NAA25: variants seen among roughly 807,000 people sequenced by gnomAD.
The protein encoded by NAA25 is N-alpha-acetyltransferase 25, NatB auxiliary subunit.
NAA25 carries 30 observed loss-of-function variants against 132.5 expected under a neutral mutation model. The ratio of observed to expected loss-of-function variants is 0.23; its 90% CI spans 0.17 to 0.31. The LOEUF (loss-of-function observed/expected upper bound fraction) is 0.31, where lower values mean the gene tolerates loss of function less well. Ranked by LOEUF, NAA25 falls within the 10% of genes least tolerant of loss-of-function variation. NAA25 has a pLI of 1.00. For synonymous variants in NAA25, 359 were observed against 401.9 expected (o/e 0.89, Z 1.28); for missense variants, 771 against 1,150.4 (o/e 0.67, Z 4.77).
chr12:112,076,212 T>C (rs1473225893), intron 7 of NAA25, among the ~76,000 whole-genome samples: 1 of 152,162 alleles, frequency 6.6e-6, no homozygotes, highest in African/African-American at 2.4e-5. Context: ...TTCACTCTCT[T>C]AGAAAATGGG....
chr12:112,104,254 A>AT (rs1396222127), intron 1 of NAA25, among the ~76,000 whole-genome samples: 1 of 152,108 alleles, frequency 6.6e-6, no homozygotes, highest in Non-Finnish European at 1.5e-5. Flanking sequence ...CTATGCACAC[A>AT]TTTTTTCTAC....
chr12:112,108,712 T>C lies in NAA25; in HGVS notation c.58+4A>G, dbSNP rs1247137240. The stretch of plus-strand genomic sequence containing the variant: ...TGGCGAGCGGGCTGGTCCAAGACAC[T>C]CACCGTAAATGGGCCGGAGGCGCCT... On this transcript the variant is annotated splice_donor_region_variant and intron_variant, in intron 1 of 23. Transcript: ENST00000261745. 2.0e-6 allele frequency: 3 copies of C among 1,522,832 alleles called. No homozygotes were observed. Among genetic ancestry groups the C allele is most frequent in the African/African-American group, 1.4e-5 (1 of 70,966 alleles). The allele number at this position is 1,522,832 out of a possible 1,614,324, so 94.3% of individuals were successfully genotyped here.
intron 12 of NAA25, 83 bp from the exon 13 acceptor site, chr12:112,060,442 G>A (rs1411667491): frequency 1.2e-6 from 1 of 851,096 alleles, no homozygotes; most frequent in Non-Finnish European, 1.9e-6. Context: ...GCAGGAAAGT[G>A]ACAGGAGGGA....
Position 112,087,697 on chromosome 12 carries a change from T to G in NAA25, c.388A>C (p.Lys130Gln). Reference protein sequence around the residue: ...FMAYARVGEYKKMQQAGMALY... With the variant: ...FMAYARVGEYQKMQQAGMALY... ...GATCAAATTACCTGTTGCATTTTCTTGTATTCACCCACTCTGGCATAGGCC... is the reference window on the plus strand; with the variant it reads ...GATCAAATTACCTGTTGCATTTTCTGGTATTCACCCACTCTGGCATAGGCC... The change falls in exon 4 of 24, where the codon AAG becomes CAG. Residue 130 changes from lysine to glutamine, a missense_variant. This residue lies in a region of NAA25 where 417 missense variants were observed against 733.8 expected (regional missense o/e 0.57). Transcript: ENST00000261745. 6.2e-7 allele frequency: 1 copy of G among 1,613,020 alleles called. No individual in the cohort carries two copies. Among genetic ancestry groups the G allele is most frequent in the East Asian group, 2.2e-5 (1 of 44,860 alleles).
chr12:112,043,327 T>C lies in NAA25; in HGVS notation c.2251-116A>G, dbSNP rs1016258335. ...TCTCAGCGGTTCAGCTAAAAGCCAC[T>C]AATCAGCAAACTAATAACTGAATCA... On this transcript the variant is annotated intron_variant, in intron 18 of 23. Transcript: ENST00000261745. 2.4e-5 allele frequency: 26 copies of C among 1,076,282 alleles called. No individual in the cohort carries two copies. The African/African-American group carries it at 3.3e-4, about 14-fold the overall frequency. The allele number at this position is 1,076,282 out of a possible 1,614,324, so 66.7% of individuals were successfully genotyped here. A position where few individuals can be genotyped will look rare whatever the true frequency, so the allele number is the denominator to read the frequency against.
At chr12:112,058,230 T>G (rs1199925222) in intron 13 of NAA25, among the ~76,000 whole-genome samples, 1 of 151,102 alleles carries the variant, frequency 6.6e-6, no homozygotes, top group Non-Finnish European at 1.5e-5. Context: ...AAATCCCCAG[T>G]GGGGAAGGAG....
chr12:112,074,341 CAAAAAAA>C lies in NAA25; in HGVS notation c.866+327_866+333del, dbSNP rs34077129. ...GGGTGACAAGAGCCAAACTCCATCT[CAAAAAAA>C]AAAAAAAAAAAAAAAAGGAGAAAAA... On this transcript the variant is annotated intron_variant, in intron 9 of 23. Transcript: ENST00000261745. Among the ~76,000 whole-genome samples the C allele has an allele frequency of 1.1e-4, 4 of 34,914 alleles. No individual in the cohort carries two copies. In the East Asian group the frequency reaches 2.3e-3, roughly 20 times the overall value. The allele number at this position is 34,914 out of a possible 152,430, so 22.9% of individuals were successfully genotyped here.
At chr12:112,068,146 C>T (rs2078746660) in intron 11 of NAA25, among the ~76,000 whole-genome samples, 1 of 152,160 alleles carries the variant, frequency 6.6e-6, no homozygotes, top group South Asian at 2.1e-4. Context: ...TCAAGCGATC[C>T]TGCCGCCTCA....
chr12:112,032,725 G>A (rs1593738969), intron 23 of NAA25, among the ~76,000 whole-genome samples: 1 of 152,182 alleles, frequency 6.6e-6, no homozygotes, highest in Non-Finnish European at 1.5e-5. Flanking sequence ...AATTTGAAAA[G>A]ACCTAAAATA....
intron 19 of NAA25, 65 bp from the exon 20 acceptor site, chr12:112,042,169 A>G: frequency 1.3e-6 from 1 of 762,174 alleles, no homozygotes; most frequent in Non-Finnish European, 1.9e-6. Flanking sequence ...AAGAAGCAAG[A>G]TAAATACCTG....
At chr12:112,068,165 A>C (rs1849976047) in intron 11 of NAA25, among the ~76,000 whole-genome samples, 2 of 152,310 alleles carry the variant, frequency 1.3e-5, no homozygotes, top group South Asian at 4.1e-4. Flanking sequence ...CAGTCTCCCA[A>C]GTAGCTGGGG....
intron 13 of NAA25, among the ~76,000 whole-genome samples, chr12:112,059,997 G>A (rs1396505174): frequency 6.6e-5 from 10 of 151,886 alleles, no homozygotes; most frequent in African/African-American, 1.7e-4. Flanking sequence ...TAGTAGAGAC[G>A]AAGTTTTTTG....
chr12:112,061,464 G>A, intron 11 of NAA25, 76 bp from the exon 12 acceptor site: 2 of 1,043,590 alleles, frequency 1.9e-6, no homozygotes, highest in South Asian at 1.3e-5. Flanking sequence ...AACAGAAATT[G>A]AATGGTCTAG....
chr12:112,030,978 T>TTG (rs1289490466), intron 23 of NAA25, among the ~76,000 whole-genome samples: 1 of 151,752 alleles, frequency 6.6e-6, no homozygotes, highest in African/African-American at 2.4e-5. Flanking sequence ...CAGGACTCAC[T>TTG]AAGTGACCCA....
chr12:112,050,722 T>C (rs2078453143), intron 15 of NAA25, among the ~76,000 whole-genome samples: 2 of 152,244 alleles, frequency 1.3e-5, no homozygotes, highest in South Asian at 4.1e-4. Context: ...GGGAAATTTT[T>C]AAGAAGTAAA....
intron 2 of NAA25, among the ~76,000 whole-genome samples, chr12:112,092,682 CT>C (rs34190578): frequency 0.085 from 12,286 of 144,972 alleles, 1,537 homozygotes; most frequent in East Asian, 0.6. Context: ...TCTCCCCCCC[CT>C]TTTTTTTTTT....
At chr12:112,086,073 T>TATACACACACACACAC (rs759148501) in intron 4 of NAA25, among the ~76,000 whole-genome samples, 2 of 53,986 alleles carry the variant, frequency 3.7e-5, no homozygotes, top group South Asian at 1.0e-3. Context: ...TATATATATA[T>TATACACACACACACAC]ACACACACAC....
Position 112,029,369 on chromosome 12 carries a change from T to C in NAA25, c.*162A>G. 1 of 1,097,456 alleles carries C rather than the reference T, an allele frequency of 9.1e-7. No homozygotes were observed. The highest frequency in any genetic ancestry group is 1.6e-5 in the South Asian group (1 of 61,990). The allele number at this position is 1,097,456 out of a possible 1,614,324, so 68.0% of individuals were successfully genotyped here. A position where few individuals can be genotyped will look rare whatever the true frequency, so the allele number is the denominator to read the frequency against. On this transcript the variant is annotated 3_prime_UTR_variant, in exon 24 of 24. Coordinates refer to ENST00000261745, the MANE Select transcript of NAA25 (RefSeq NM_024953.4). The stretch of plus-strand genomic sequence containing the variant: ...GGTTTATATACAATAATTTAATCAG[T>C]TGTATATATTTAACACCTAAAAAAA...
intron 2 of NAA25, among the ~76,000 whole-genome samples, chr12:112,092,682 C>CT (rs34190578): frequency 1.7e-3 from 249 of 145,110 alleles, no homozygotes; most frequent in Middle Eastern, 7.2e-3. Flanking sequence ...TCTCCCCCCC[C>CT]TTTTTTTTTT....
Sources: gnomAD v4.1 joint callset for allele counts (sites outside exome capture counted in the v4.1 genomes callset) on GRCh38, gnomAD v4.1.1 for gene constraint, gnomAD v4.1.1 regional missense constraint, MANE v1.5 for transcripts, NCBI Gene and HGNC (gene_info 2026-07-23, HGNC 2026-07-21) for gene names.